CNTN5: variants seen among roughly 807,000 people sequenced by gnomAD.
CNTN5 encodes the protein contactin-5.
A neutral mutation model predicts 129.1 loss-of-function variants in CNTN5; 77 were observed. That is an observed-to-expected ratio of 0.60 (90% CI 0.50 to 0.72). The LOEUF (loss-of-function observed/expected upper bound fraction) is 0.72. Ranked by LOEUF, CNTN5 falls within the 30% of genes least tolerant of loss-of-function variation. CNTN5 has a pLI of 0.00. For synonymous variants in CNTN5, 509 were observed against 465.6 expected (o/e 1.09, Z -1.20); for missense variants, 1,478 against 1,328.8 (o/e 1.11, Z -1.75).
intron 2 of CNTN5, among the ~76,000 whole-genome samples, chr11:99,469,401 C>T (rs1044506237): frequency 1.3e-5 from 2 of 152,062 alleles, no homozygotes; most frequent in African/African-American, 2.4e-5. Flanking sequence ...GTATATAAAA[C>T]TACTACAAAT....
chr11:99,396,931 T>G (rs951716054), intron 2 of CNTN5, among the ~76,000 whole-genome samples: 1 of 151,718 alleles, frequency 6.6e-6, no homozygotes, highest in African/African-American at 2.4e-5. Flanking sequence ...CATTATCCCA[T>G]TTAGTATGAA....
At chr11:100,217,321 A>C (rs944678176) in intron 15 of CNTN5, among the ~76,000 whole-genome samples, 10 of 152,306 alleles carry the variant, frequency 6.6e-5, no homozygotes, top group Admixed American at 3.9e-4. Context: ...GTTGGGTCAC[A>C]GTACAGCCAT....
intron 9 of CNTN5, among the ~76,000 whole-genome samples, chr11:100,014,931 T>G (rs1475522424): frequency 1.3e-5 from 2 of 152,126 alleles, no homozygotes; most frequent in Non-Finnish European, 2.9e-5. Context: ...TCAGCCTACA[T>G]AAGGAGTTTT....
intron 13 of CNTN5, among the ~76,000 whole-genome samples, chr11:100,115,355 A>G (rs1000363303): frequency 1.3e-5 from 2 of 152,142 alleles, no homozygotes; most frequent in African/African-American, 4.8e-5. Context: ...TTTGATCAAT[A>G]TCAGAAAACA....
chr11:99,174,601 C>T (rs1488658876), intron 1 of CNTN5, among the ~76,000 whole-genome samples: 1 of 152,030 alleles, frequency 6.6e-6, no homozygotes. Flanking sequence ...CTCATATTGG[C>T]AACAGTGTAG....
At chr11:100,308,186 C>T (rs1006624218) in intron 20 of CNTN5, among the ~76,000 whole-genome samples, 173 bp from the exon 21 acceptor site, 2 of 151,536 alleles carry the variant, frequency 1.3e-5, no homozygotes, top group African/African-American at 4.8e-5. Context: ...GAGATTTGAC[C>T]CAAGTATAGA....
chr11:99,150,936 T>C (rs2135487390), intron 1 of CNTN5, among the ~76,000 whole-genome samples: 1 of 152,226 alleles, frequency 6.6e-6, no homozygotes, highest in South Asian at 2.1e-4. Flanking sequence ...AAATTAATGT[T>C]TTCTTTCTTA....
At chr11:100,172,825 C>T (rs1947863527) in intron 13 of CNTN5, among the ~76,000 whole-genome samples, 1 of 152,058 alleles carries the variant, frequency 6.6e-6, no homozygotes, top group Non-Finnish European at 1.5e-5. Context: ...TATCCTATGT[C>T]ATGCTAAGAA....
chr11:99,294,385 G>T (rs1864296953), intron 1 of CNTN5, among the ~76,000 whole-genome samples: 2 of 152,004 alleles, frequency 1.3e-5, no homozygotes, highest in African/African-American at 4.8e-5. Flanking sequence ...CAAACAATTT[G>T]AAAAAGAAAT....
In CNTN5 at chr11:99,613,164, AT is replaced by A. The variant is rs372271768; in HGVS notation, c.55+56897del. Among the ~76,000 whole-genome samples the A allele has an allele frequency of 2.4e-3, 373 of 152,308 alleles. 2 individuals are homozygous for A. The highest frequency in any genetic ancestry group is 8.2e-3 in the African/African-American group (342 of 41,566). ...TGGTTAGGCTTTGTGTCCCCACCTG[AT>A]TCTCATCTTGAATTGTAAGCACCAT... On this transcript the variant is annotated intron_variant, in intron 3 of 24. Transcript: ENST00000524871.
intron 3 of CNTN5, among the ~76,000 whole-genome samples, chr11:99,775,688 C>T (rs192367737): frequency 6.6e-5 from 10 of 152,018 alleles, no homozygotes; most frequent in Admixed American, 4.6e-4. Context: ...TGCTCTCTCT[C>T]TATGTATATT....
chr11:99,934,257 C>T (rs760896914), intron 7 of CNTN5, among the ~76,000 whole-genome samples: 7 of 152,254 alleles, frequency 4.6e-5, no homozygotes, highest in South Asian at 4.1e-4. Flanking sequence ...GTTATATTTA[C>T]TTGCTTTTTC....
At chr11:99,807,089 T>C (rs1380845231) in intron 3 of CNTN5, among the ~76,000 whole-genome samples, 1 of 151,868 alleles carries the variant, frequency 6.6e-6, no homozygotes, top group Non-Finnish European at 1.5e-5. Context: ...CATGGAAAAA[T>C]ATGTGTCTAA....
chr11:100,218,644 G>A (rs981127588), intron 15 of CNTN5, among the ~76,000 whole-genome samples: 19 of 152,280 alleles, frequency 1.2e-4, no homozygotes, highest in East Asian at 1.9e-4. Context: ...CACAAATTAC[G>A]TAGCCAGTCC....
At chr11:100,155,370 A>G (rs1029547558) in intron 13 of CNTN5, among the ~76,000 whole-genome samples, 3 of 151,944 alleles carry the variant, frequency 2.0e-5, no homozygotes, top group African/African-American at 7.3e-5. Context: ...CTTCTGTTCC[A>G]TTGGTCTATG....
At chr11:99,181,277 C>T (rs189642065) in intron 1 of CNTN5, among the ~76,000 whole-genome samples, 1 of 152,274 alleles carries the variant, frequency 6.6e-6, no homozygotes, top group African/African-American at 2.4e-5. Flanking sequence ...GCCCAGAGGG[C>T]GCCCAGGGAA....
At chr11:100,177,203 C>T (rs1317008679) in intron 13 of CNTN5, among the ~76,000 whole-genome samples, 2 of 152,044 alleles carry the variant, frequency 1.3e-5, no homozygotes, top group African/African-American at 4.8e-5. Context: ...ACCTATTCCC[C>T]TCCCAAGCCA....
chr11:99,054,257 G>T (rs981426376), intron 1 of CNTN5, among the ~76,000 whole-genome samples: 20 of 151,842 alleles, frequency 1.3e-4, no homozygotes, highest in African/African-American at 4.8e-4. Context: ...TTCCTGAAGG[G>T]CTGGGTGGCT....
At chr11:99,703,542 G>C (rs1397788828) in intron 3 of CNTN5, among the ~76,000 whole-genome samples, 5 of 150,696 alleles carry the variant, frequency 3.3e-5, no homozygotes, top group Non-Finnish European at 6.0e-5. Flanking sequence ...AGTCTTACGA[G>C]GTAAGTGTTA....
Sources: allele counts gnomAD v4.1 joint callset (sites outside exome capture counted in the v4.1 genomes callset), GRCh38; gene constraint gnomAD v4.1.1; transcripts MANE v1.5; gene names NCBI Gene and HGNC (gene_info 2026-07-23, HGNC 2026-07-21).